The following ANKFN1 variants were observed in gnomAD, a reference collection of about 807,000 sequenced individuals.
The protein encoded by ANKFN1 is ankyrin repeat and fibronectin type III domain containing 1, also known as ankyrin repeat and fibronectin type-III domain-containing protein 1.
Under a neutral mutation model 108.7 loss-of-function variants are expected in ANKFN1, and 74 were observed. The observed-to-expected ratio is 0.68, with a 90% CI of 0.56 to 0.83. The LOEUF (loss-of-function observed/expected upper bound fraction) is 0.83, where lower values mean the gene tolerates loss of function less well. Among genes scored for constraint, ANKFN1 ranks in the 40% least tolerant of loss-of-function variants. The probability of loss-of-function intolerance (pLI) is 0.00; values close to 1 mark genes in which losing one functional copy is unlikely to be tolerated. For synonymous variants in ANKFN1, 547 were observed against 516.2 expected (o/e 1.06, Z -0.81); for missense variants, 1,505 against 1,382.3 (o/e 1.09, Z -1.41).
chr17:56,347,474 G>GT (rs1448594372), intron 4 of ANKFN1, among the ~76,000 whole-genome samples: 1 of 151,964 alleles, frequency 6.6e-6, no homozygotes, highest in Admixed American at 6.6e-5. Flanking sequence ...CAGATTATAG[G>GT]TAACAATATC....
chr17:56,368,252 A>G, intron 6 of ANKFN1: 1 of 680,190 alleles, frequency 1.5e-6, no homozygotes, highest in Non-Finnish European at 2.2e-6. Flanking sequence ...CCATGAAAAC[A>G]AACTTGAATA....
intron 3 of ANKFN1, among the ~76,000 whole-genome samples, chr17:56,257,695 AACAG>A (rs1433071484): frequency 5.9e-5 from 9 of 152,316 alleles, no homozygotes; most frequent in African/African-American, 1.9e-4. Context: ...GCACAGTGGA[AACAG>A]ACAGCCATAG....
At chr17:56,455,450 TG>T (rs1480927560) in intron 11 of ANKFN1, among the ~76,000 whole-genome samples, 1 of 152,206 alleles carries the variant, frequency 6.6e-6, no homozygotes, top group Non-Finnish European at 1.5e-5. Flanking sequence ...CATGAATGCT[TG>T]TGTCAGTCAG....
At chr17:56,384,126 C>T (rs1342921430) in intron 8 of ANKFN1, among the ~76,000 whole-genome samples, 6 of 151,782 alleles carry the variant, frequency 4.0e-5, no homozygotes, top group African/African-American at 7.3e-5. Context: ...AAAGCTTATC[C>T]ACCATGATCA....
chr17:56,322,945 A>T (rs2045411517), intron 3 of ANKFN1, among the ~76,000 whole-genome samples: 1 of 152,234 alleles, frequency 6.6e-6, no homozygotes, highest in South Asian at 2.1e-4. Context: ...TTCATTTAAT[A>T]TCTGCATATA....
intron 1 of ANKFN1, chr17:56,174,540 C>A: frequency 2.0e-6 from 1 of 490,672 alleles, no homozygotes; most frequent in South Asian, 8.7e-5. Flanking sequence ...CCCCTTCTCA[C>A]CATCATCTTT....
chr17:56,434,101 T>C (rs563958886), intron 8 of ANKFN1, among the ~76,000 whole-genome samples: 1 of 152,222 alleles, frequency 6.6e-6, no homozygotes, highest in African/African-American at 2.4e-5. Flanking sequence ...AACAAGCAAA[T>C]GGTTCAGACT....
chr17:56,259,881 T>C (rs555679578), intron 3 of ANKFN1, among the ~76,000 whole-genome samples: 3 of 149,702 alleles, frequency 2.0e-5, no homozygotes, highest in African/African-American at 7.4e-5. Flanking sequence ...TCCAAAAGAG[T>C]TGGTATCACT....
At chr17:56,125,911 G>A (rs928989244) in intron 4 of ANKFN1, among the ~76,000 whole-genome samples, 1 of 152,228 alleles carries the variant, frequency 6.6e-6, no homozygotes, top group Non-Finnish European at 1.5e-5. Context: ...CTGGGAAGGT[G>A]GTCTGGGGAC....
chr17:56,430,500 C>CCA (rs60148599), intron 8 of ANKFN1, among the ~76,000 whole-genome samples: 11,309 of 143,884 alleles, frequency 0.079, 477 homozygotes, highest in East Asian at 0.14. Flanking sequence ...GATGCTTTTA[C>CCA]CACACACACA....
intron 4 of ANKFN1, among the ~76,000 whole-genome samples, chr17:56,103,459 T>C (rs1028525918): frequency 6.6e-6 from 1 of 152,154 alleles, no homozygotes; most frequent in Admixed American, 6.5e-5. Flanking sequence ...GAGCAGCATG[T>C]ATCATGGGGG....
chr17:56,067,015 A>C (rs1905066576), intron 4 of ANKFN1, among the ~76,000 whole-genome samples: 1 of 152,074 alleles, frequency 6.6e-6, no homozygotes, highest in Admixed American at 6.5e-5. Flanking sequence ...ACATAGTGAA[A>C]CTCCATCTCT....
At chr17:56,142,377 T>C (rs1907979275) in intron 4 of ANKFN1, among the ~76,000 whole-genome samples, 2 of 152,104 alleles carry the variant, frequency 1.3e-5, no homozygotes, top group South Asian at 4.1e-4. Flanking sequence ...ATGTCAAGAG[T>C]AGCTATTGGC....
At chr17:56,198,070 T>C (rs537672192) in intron 1 of ANKFN1, among the ~76,000 whole-genome samples, 4 of 152,202 alleles carry the variant, frequency 2.6e-5, no homozygotes, top group Non-Finnish European at 5.9e-5. Flanking sequence ...GCACATTCCT[T>C]ATGAGAGTCT....
chr17:56,126,154 A>G (rs1906915202), intron 4 of ANKFN1, among the ~76,000 whole-genome samples: 1 of 152,170 alleles, frequency 6.6e-6, no homozygotes, highest in South Asian at 2.1e-4. Flanking sequence ...TGATGCCCAG[A>G]GTGGCCCAAA....
chr17:56,482,212 C>T (rs997084782), intron 17 of ANKFN1, 144 bp from the exon 18 acceptor site: 3 of 691,860 alleles, frequency 4.3e-6, no homozygotes, highest in Non-Finnish European at 7.0e-6. Context: ...ATTAAATGGG[C>T]TGAACCCTAA....
intron 1 of ANKFN1, among the ~76,000 whole-genome samples, chr17:56,178,442 T>A (rs1233190297): frequency 3.9e-5 from 6 of 152,122 alleles, no homozygotes; most frequent in African/African-American, 9.7e-5. Flanking sequence ...ATACATAGAG[T>A]GCTAACCTAG....
At chr17:56,121,692 G>T (rs571618781) in intron 4 of ANKFN1, among the ~76,000 whole-genome samples, 1 of 152,192 alleles carries the variant, frequency 6.6e-6, no homozygotes, top group Non-Finnish European at 1.5e-5. Context: ...AGTTGTCTCC[G>T]CATAGTTATA....
rs1384913757 is a variant in ANKFN1, at chr17:56,360,126, G to A, written c.601+6080G>A. Among the ~76,000 whole-genome samples, 8 of 152,090 alleles carry A rather than the reference G, an allele frequency of 5.3e-5. No individual in the cohort carries two copies. In the East Asian group the frequency reaches 1.2e-3, roughly 22 times the overall value. On this transcript the variant is annotated intron_variant, in intron 6 of 20. Coordinates refer to ENST00000682825, the MANE Select transcript of ANKFN1 (RefSeq NM_001370326.1). ...CAAGCCTTAGACAGGTCTCTATAAT[G>A]AGCCCTCAATATTTTTTTCTGCTTC...
Sources: allele counts gnomAD v4.1 joint callset (sites outside exome capture counted in the v4.1 genomes callset), GRCh38; gene constraint gnomAD v4.1.1; transcripts MANE v1.5; gene names NCBI Gene and HGNC (gene_info 2026-07-23, HGNC 2026-07-21).